The following PCDHA7 variants were observed in gnomAD, a reference collection of about 807,000 sequenced individuals.
PCDHA7 encodes protocadherin alpha 7.
PCDHA7 carries 37 observed loss-of-function variants against 57.2 expected under a neutral mutation model. That is an observed-to-expected ratio of 0.65 (90% confidence interval 0.50 to 0.85). The LOEUF (loss-of-function observed/expected upper bound fraction) is 0.85. Among genes scored for constraint, PCDHA7 ranks in the 40% least tolerant of loss-of-function variants. The probability of loss-of-function intolerance (pLI) is 0.00; values close to 1 mark genes in which losing one functional copy is unlikely to be tolerated. For missense variants in PCDHA7, 1,188 were observed against 1,241.8 expected, an observed-to-expected ratio of 0.96 and a Z score of 0.65; for synonymous variants, 553 against 558.8, an observed-to-expected ratio of 0.99 and a Z score of 0.15.
In PCDHA7 at chr5:141,010,555, C is replaced by CTG; in HGVS notation, c.*618_*619insTG. 2 of 321,156 alleles carry CTG rather than the reference C, an allele frequency of 6.2e-6. No homozygotes were observed. The highest frequency in any genetic ancestry group is 1.1e-4 in the South Asian group (2 of 18,704). 19.9% of individuals were successfully genotyped at this position (321,156 alleles called of 1,614,324 possible). On this transcript the variant is annotated 3_prime_UTR_variant, in exon 4 of 4. Coordinates refer to ENST00000525929, the MANE Select transcript of PCDHA7 (RefSeq NM_018910.3). ...ACCCTCTAGGAGACAAAACTACCCCCACTGACAAGGCTTTAGGAGACCCTA... is the reference window on the plus strand; with the variant it reads ...ACCCTCTAGGAGACAAAACTACCCCCTGACTGACAAGGCTTTAGGAGACCCTA...
Position 140,904,868 on chromosome 5 carries a change from C to T in PCDHA7, c.2355+68130C>T, listed in dbSNP as rs188578381. 2.9e-3 allele frequency among the ~76,000 whole-genome samples: 446 copies of T among 152,022 alleles called. 2 individuals are homozygous for T. Among genetic ancestry groups the T allele is most frequent in the Middle Eastern group, 0.014 (4 of 294 alleles). Reference sequence around the variant, plus strand: ...TCTTCTGAGAATTGTCTGTTTATGTCCTTAGCTCACTTTTTGATGGGATTT... The same window carrying T: ...TCTTCTGAGAATTGTCTGTTTATGTTCTTAGCTCACTTTTTGATGGGATTT... On this transcript the variant is annotated intron_variant, in intron 1 of 3. Transcript: ENST00000525929.
Position 140,934,368 on chromosome 5 carries a change from CCTT to C in PCDHA7, c.2356-44578_2356-44576del, listed in dbSNP as rs1168343483. Among the ~76,000 whole-genome samples, 5 of 152,220 alleles carry C rather than the reference CCTT, an allele frequency of 3.3e-5. No homozygotes were observed. In the South Asian group the frequency reaches 1.0e-3, roughly 32 times the overall value. On this transcript the variant is annotated intron_variant, in intron 1 of 3. Transcript: ENST00000525929. ...ACAGTGTGGAGCCACTGCTTTGACT[CCTT>C]CTGTGGTTCTATGGTGGCCAGCTTT...
At chr5:140,992,261 G>A (rs1056414788) in intron 3 of PCDHA7, among the ~76,000 whole-genome samples, 1 of 152,172 alleles carries the variant, frequency 6.6e-6, no homozygotes, top group Non-Finnish European at 1.5e-5. Context: ...AAAGATGAAA[G>A]TTCTTTTCGT....
At chr5:140,849,283 A>G (rs1554142852) in intron 1 of PCDHA7, 1 of 1,191,538 alleles carries the variant, frequency 8.4e-7, no homozygotes, top group Admixed American at 2.6e-5. Context: ...CTGGTGATTC[A>G]CCCCAATGCC....
Position 140,842,580 on chromosome 5 carries a change from C to G in PCDHA7, c.2355+5842C>G. ...GCCCTGGACCGCGAGAGAGTGTCGG[C>G]CTATGAGTTGGTGGTAACCGCGCGG... On this transcript the variant is annotated intron_variant, in intron 1 of 3. Coordinates refer to ENST00000525929, the MANE Select transcript of PCDHA7 (RefSeq NM_018910.3). 1 of 1,517,750 alleles carries G rather than the reference C, an allele frequency of 6.6e-7. No homozygotes were observed. The highest frequency in any genetic ancestry group is 9.0e-7 in the Non-Finnish European group (1 of 1,116,480). The allele number at this position is 1,517,750 out of a possible 1,614,324, so 94.0% of individuals were successfully genotyped here. A position where few individuals can be genotyped will look rare whatever the true frequency, so the allele number is the denominator to read the frequency against.
chr5:140,959,031 G>A (rs1554223798), intron 1 of PCDHA7, among the ~76,000 whole-genome samples: 1 of 151,806 alleles, frequency 6.6e-6, no homozygotes, highest in Non-Finnish European at 1.5e-5. Flanking sequence ...CTTTATCATG[G>A]GTATGTATGT....
chr5:140,966,279 G>A, intron 1 of PCDHA7: 1 of 364,628 alleles, frequency 2.7e-6, no homozygotes, highest in Non-Finnish European at 4.9e-6. Flanking sequence ...ACTGGACAGT[G>A]GGGGTAGGGA....
At chr5:140,869,669 T>C (rs1461591468) in intron 1 of PCDHA7, 49 of 1,613,358 alleles carry the variant, frequency 3.0e-5, no homozygotes, top group Non-Finnish European at 4.1e-5. Context: ...GGTAAGCAGA[T>C]TAAAAGACTG....
intron 1 of PCDHA7, among the ~76,000 whole-genome samples, chr5:140,965,764 A>G (rs2095932618): frequency 6.6e-6 from 1 of 152,258 alleles, no homozygotes; most frequent in Non-Finnish European, 1.5e-5. Flanking sequence ...AATGGGTCAA[A>G]TAATAGATTT....
At chr5:140,875,202 C>A in intron 1 of PCDHA7, 1 of 611,450 alleles carries the variant, frequency 1.6e-6, no homozygotes, top group Non-Finnish European at 2.5e-6. Context: ...CAGGAAGTGG[C>A]TAAACCGAAA....
At chr5:140,858,299 C>A in intron 1 of PCDHA7, 1 of 1,597,210 alleles carries the variant, frequency 6.3e-7, no homozygotes, top group Non-Finnish European at 8.6e-7. Flanking sequence ...TTACTCGCAG[C>A]AGAGGCGGCA....
chr5:140,979,094 T>G, intron 2 of PCDHA7, 87 bp downstream of exon 2: 3 of 1,551,990 alleles, frequency 1.9e-6, no homozygotes, highest in Non-Finnish European at 2.6e-6. Context: ...CAGAAGCAGC[T>G]GTCAAAACTA....
At chr5:140,852,191 G>A in intron 1 of PCDHA7, 1 of 725,566 alleles carries the variant, frequency 1.4e-6, no homozygotes, top group Non-Finnish European at 1.7e-6. Context: ...GAAAATGCCA[G>A]TAACGTTTAT....
intron 3 of PCDHA7, among the ~76,000 whole-genome samples, chr5:141,000,006 C>T (rs1453937377): frequency 1.3e-5 from 2 of 151,992 alleles, no homozygotes; most frequent in Admixed American, 1.3e-4. Context: ...TTAGATTGGC[C>T]TCCCCATTGC....
At chr5:140,926,375 C>G (rs1265113344) in intron 1 of PCDHA7, 1 of 152,328 alleles carries the variant, frequency 6.6e-6, no homozygotes, top group African/African-American at 2.4e-5. Flanking sequence ...CAGGAAGAGC[C>G]CAGCTGGGCT....
chr5:140,873,418 A>C (rs2054276774), intron 1 of PCDHA7, among the ~76,000 whole-genome samples: 1 of 152,174 alleles, frequency 6.6e-6, no homozygotes. Flanking sequence ...AATTTTGTAA[A>C]TTATTATTTT....
chr5:140,952,531 C>T (rs1463200514), intron 1 of PCDHA7, among the ~76,000 whole-genome samples: 1 of 152,138 alleles, frequency 6.6e-6, no homozygotes, highest in Non-Finnish European at 1.5e-5. Context: ...CCTCCTCAGA[C>T]TGGACTTCTT....
At chr5:140,882,267 C>A in intron 1 of PCDHA7, 1 of 1,610,288 alleles carries the variant, frequency 6.2e-7, no homozygotes, top group Non-Finnish European at 8.5e-7. Context: ...TTGGAGTGTA[C>A]CATGCTGTCT....
intron 1 of PCDHA7, among the ~76,000 whole-genome samples, chr5:140,922,238 T>C (rs1554200737): frequency 6.6e-6 from 1 of 152,210 alleles, no homozygotes; most frequent in East Asian, 1.9e-4. Context: ...CCATGATGTG[T>C]ATGAAGATAA....
Sources: gnomAD v4.1 joint callset for allele counts (sites outside exome capture counted in the v4.1 genomes callset) on GRCh38, gnomAD v4.1.1 for gene constraint, MANE v1.5 for transcripts, NCBI Gene and HGNC (gene_info 2026-07-23, HGNC 2026-07-21) for gene names.